GIPC2: variants seen among roughly 807,000 people sequenced by gnomAD.
GIPC2 encodes PDZ domain-containing protein GIPC2.
In GIPC2, 30 loss-of-function variants were observed where a neutral mutation model predicts 30.6. That is an observed-to-expected ratio of 0.98 (90% CI 0.73 to 1.33). The LOEUF (loss-of-function observed/expected upper bound fraction) is 1.33. Ranked by LOEUF, GIPC2 falls within the 40% of genes most tolerant of loss-of-function variation. The pLI is 0.00. For synonymous variants in GIPC2, 167 were observed against 150.0 expected, an observed-to-expected ratio of 1.11 and a Z score of -0.83; for missense variants, 414 against 390.3, an observed-to-expected ratio of 1.06 and a Z score of -0.51.
chr1:78,068,460 A>G (rs550115681), intron 1 of GIPC2, among the ~76,000 whole-genome samples: 234 of 152,206 alleles, frequency 1.5e-3, no homozygotes, highest in Admixed American at 2.7e-3. Flanking sequence ...CTTTTATCCC[A>G]TGCTGTCTTA....
rs1211600039 is a variant in GIPC2 at position 78,136,629 on chromosome 1, T to TTG, written c.*886_*887insTG. 6.9e-6 allele frequency: 1 copy of TTG among 144,360 alleles called. No individual in the cohort carries two copies. The highest frequency in any genetic ancestry group is 2.5e-5 in the African/African-American group (1 of 39,246). 8.9% of individuals were successfully genotyped at this position (144,360 alleles called of 1,614,324 possible). A position where few individuals can be genotyped will look rare whatever the true frequency, so the allele number is the denominator to read the frequency against. ...AGAACTTTTTTTTTTTTTTTTTTTT[T>TTG]GGTTAAACAGCAGCACTTTTTAGTT... On this transcript the variant is annotated 3_prime_UTR_variant, in exon 6 of 6. Transcript: ENST00000370759.
intron 3 of GIPC2, among the ~76,000 whole-genome samples, chr1:78,108,829 G>A (rs1443830934): frequency 1.3e-5 from 2 of 152,156 alleles, no homozygotes; most frequent in African/African-American, 4.8e-5. Context: ...GGTCTTTTCA[G>A]ATGGGTTGCC....
At chr1:78,105,967 G>T (rs1203435448) in intron 3 of GIPC2, among the ~76,000 whole-genome samples, 1 of 152,102 alleles carries the variant, frequency 6.6e-6, no homozygotes, top group Non-Finnish European at 1.5e-5. Context: ...TGGGCGCGGT[G>T]GCTCATGCTT....
At chr1:78,130,634 G>A (rs1344118603) in intron 5 of GIPC2, among the ~76,000 whole-genome samples, 1 of 152,140 alleles carries the variant, frequency 6.6e-6, no homozygotes, top group African/African-American at 2.4e-5. Flanking sequence ...CATATTTTAT[G>A]ATTAAACTAG....
intron 5 of GIPC2, among the ~76,000 whole-genome samples, chr1:78,129,961 ATCTTT>A (rs145576763): frequency 0.028 from 4,058 of 144,184 alleles, 148 homozygotes; most frequent in African/African-American, 0.097. Context: ...ATTCTATAAA[ATCTTT>A]TCTTTTTTTT....
chr1:78,104,188 G>GT (rs1486574776), intron 3 of GIPC2, among the ~76,000 whole-genome samples: 5 of 150,574 alleles, frequency 3.3e-5, no homozygotes, highest in African/African-American at 9.9e-5. Context: ...GGGGAGAGGG[G>GT]GCCGGGGGTG....
chr1:78,103,566 AATTC>A (rs1432527934), intron 3 of GIPC2, among the ~76,000 whole-genome samples: 1 of 152,218 alleles, frequency 6.6e-6, no homozygotes, highest in Non-Finnish European at 1.5e-5. Context: ...TTGGGCAGTT[AATTC>A]ATTAAGACTG....
rs1663040950 is a variant in GIPC2 at position 78,138,183 on chromosome 1, C to G, written c.*2440C>G. 6.6e-6 allele frequency: 1 copy of G among 152,090 alleles called. No homozygotes were observed. The highest frequency in any genetic ancestry group is 1.5e-5 in the Non-Finnish European group (1 of 68,024). 9.4% of individuals were successfully genotyped at this position (152,090 alleles called of 1,614,324 possible). A position where few individuals can be genotyped will look rare whatever the true frequency, so the allele number is the denominator to read the frequency against. ...ATGAGGCCTTGAACATAGCTGAGTC[C>G]TAATCAGATGTATATACTCTGATGA... On this transcript the variant is annotated 3_prime_UTR_variant, in exon 6 of 6. Transcript: ENST00000370759.
Position 78,075,676 on chromosome 1 carries a change from G to A in GIPC2, c.241-4999G>A, listed in dbSNP as rs990359027. On this transcript the variant is annotated intron_variant, in intron 1 of 5. Coordinates refer to ENST00000370759, the MANE Select transcript of GIPC2 (RefSeq NM_017655.6). ...TGTCTCTTTCTGTGTTTCTTTATTA[G>A]GCGTGAAAAAATATTTTCCAGAGCT... Among the ~76,000 whole-genome samples the A allele has an allele frequency of 4.6e-5, 7 of 152,258 alleles. No individual in the cohort carries two copies. The East Asian group carries it at 1.3e-3, about 29-fold the overall frequency.
intron 1 of GIPC2, among the ~76,000 whole-genome samples, chr1:78,064,724 A>G (rs1661469199): frequency 6.7e-6 from 1 of 148,678 alleles, no homozygotes; most frequent in Non-Finnish European, 1.5e-5. Flanking sequence ...GCAGTGGTAC[A>G]ATCATAACTC....
At chr1:78,101,094 G>C (rs1662242331) in intron 3 of GIPC2, among the ~76,000 whole-genome samples, 1 of 152,112 alleles carries the variant, frequency 6.6e-6, no homozygotes, top group Non-Finnish European at 1.5e-5. Context: ...CACTGAGAGT[G>C]ATAAAAGGAC....
At chr1:78,072,877 T>G (rs1490627001) in intron 1 of GIPC2, among the ~76,000 whole-genome samples, 1 of 151,992 alleles carries the variant, frequency 6.6e-6, no homozygotes, top group African/African-American at 2.4e-5. Context: ...TGATCTTGGC[T>G]CACTGCAAGC....
intron 1 of GIPC2, among the ~76,000 whole-genome samples, chr1:78,073,034 C>A (rs908164301): frequency 2.0e-5 from 3 of 151,202 alleles, no homozygotes; most frequent in African/African-American, 7.3e-5. Flanking sequence ...TGGTCTCGAT[C>A]TCCTGACCTT....
chr1:78,059,000 C>T (rs1661345908), intron 1 of GIPC2, among the ~76,000 whole-genome samples: 1 of 152,170 alleles, frequency 6.6e-6, no homozygotes. Flanking sequence ...CGTTTTGCTG[C>T]CCTGTCCTCC....
chr1:78,059,190 C>T (rs190463020), intron 1 of GIPC2, among the ~76,000 whole-genome samples: 8 of 152,332 alleles, frequency 5.3e-5, no homozygotes, highest in Admixed American at 5.2e-4. Flanking sequence ...TTTAAAAAAG[C>T]TTCCCTGATA....
At position 78,135,688 on chromosome 1, in the gene GIPC2, A is replaced by G. The variant is rs201358152; in HGVS notation, c.893A>G (p.Glu298Gly). Residue 298 changes from glutamate (E) to glycine (G), a missense_variant, in exon 6 of 6, where the codon GAA (glutamate) becomes GGA (glycine). Glu to Gly is a moderately conservative substitution (Grantham distance 98). Transcript: ENST00000370759. ...ETLGDFAFPD[E>G]FVFDVWGVIG... ...CTTGGAGACTTTGCGTTCCCAGACG[A>G]ATTTGTCTTTGATGTTTGGGGAGTC... 60 of 1,613,416 alleles carry G rather than the reference A, an allele frequency of 3.7e-5. No individual in the cohort carries two copies. Among genetic ancestry groups the G allele is most frequent in the Non-Finnish European group, 4.5e-5 (53 of 1,179,640 alleles).
chr1:78,071,522 TCTC>T (rs1280376565), intron 1 of GIPC2, among the ~76,000 whole-genome samples: 3 of 151,404 alleles, frequency 2.0e-5, no homozygotes, highest in African/African-American at 4.8e-5. Flanking sequence ...TCTCCTTCTT[TCTC>T]CTCCTCCTCC....
intron 1 of GIPC2, among the ~76,000 whole-genome samples, chr1:78,057,181 C>T (rs1048238140): frequency 6.6e-6 from 1 of 152,148 alleles, no homozygotes; most frequent in African/African-American, 2.4e-5. Context: ...GTCATCAGTT[C>T]TATTCTACTG....
intron 1 of GIPC2, among the ~76,000 whole-genome samples, chr1:78,062,741 TG>T (rs928198446): frequency 2.6e-4 from 40 of 152,024 alleles, no homozygotes; most frequent in Admixed American, 1.6e-3. Context: ...CTCGAACTCC[TG>T]AGCTCAGGTG....
Sources: gnomAD v4.1 joint callset for allele counts (sites outside exome capture counted in the v4.1 genomes callset) on GRCh38, gnomAD v4.1.1 for gene constraint, MANE v1.5 for transcripts, NCBI Gene and HGNC (gene_info 2026-07-23, HGNC 2026-07-21) for gene names.